The following CSGALNACT1 variants were observed in gnomAD, a reference collection of about 807,000 sequenced individuals.
CSGALNACT1 encodes the protein chondroitin sulfate N-acetylgalactosaminyltransferase 1.
In CSGALNACT1, 52 loss-of-function variants were observed where a neutral mutation model predicts 51.0. The ratio of observed to expected loss-of-function variants is 1.02; its 90% CI spans 0.82 to 1.29. The LOEUF (loss-of-function observed/expected upper bound fraction) is 1.29. CSGALNACT1 is among the 50% of genes most tolerant of loss of function. The probability of loss-of-function intolerance (pLI) is 0.00; values close to 1 mark genes in which losing one functional copy is unlikely to be tolerated. For missense variants in CSGALNACT1, 935 were observed against 679.2 expected (o/e 1.38, Z -4.19); for synonymous variants, 341 against 254.4 (o/e 1.34, Z -3.24).
At chr8:19,642,801 A>AC (rs1318668394) in intron 1 of CSGALNACT1, among the ~76,000 whole-genome samples, 1 of 152,000 alleles carries the variant, frequency 6.6e-6, no homozygotes, top group East Asian at 1.9e-4. Context: ...AAAAAAAAAA[A>AC]AATGGCTGTG....
At chr8:19,639,810 G>A (rs921357040) in intron 1 of CSGALNACT1, among the ~76,000 whole-genome samples, 4 of 151,570 alleles carry the variant, frequency 2.6e-5, no homozygotes, top group Non-Finnish European at 4.4e-5. Context: ...AATTTATAAC[G>A]ATATATCCAT....
At chr8:19,529,010 G>C (rs2082244525) in intron 3 of CSGALNACT1, among the ~76,000 whole-genome samples, 1 of 152,058 alleles carries the variant, frequency 6.6e-6, no homozygotes, top group Non-Finnish European at 1.5e-5. Context: ...CGAGTAGATG[G>C]GGCTGTCATT....
chr8:19,582,307 A>C (rs1422815714), intron 3 of CSGALNACT1, among the ~76,000 whole-genome samples: 1 of 152,220 alleles, frequency 6.6e-6, no homozygotes, highest in Non-Finnish European at 1.5e-5. Context: ...AGGAAAAAAT[A>C]AATCAACACT....
chr8:19,632,834 C>T (rs554657466), intron 1 of CSGALNACT1, among the ~76,000 whole-genome samples: 1 of 152,270 alleles, frequency 6.6e-6, no homozygotes, highest in Middle Eastern at 3.4e-3. Context: ...CAGCTCACTG[C>T]AGCCTCAACC....
intron 7 of CSGALNACT1, among the ~76,000 whole-genome samples, chr8:19,419,690 T>G (rs1203982569): frequency 2.0e-5 from 3 of 152,206 alleles, no homozygotes; most frequent in Non-Finnish European, 2.9e-5. Flanking sequence ...CCACCTCGCT[T>G]TCTCCTGGGA....
chr8:19,619,737 T>A (rs915410943), intron 1 of CSGALNACT1, among the ~76,000 whole-genome samples: 6 of 152,198 alleles, frequency 3.9e-5, no homozygotes, highest in African/African-American at 1.4e-4. Flanking sequence ...AACAAAACAG[T>A]CCTGTCCTCA....
At position 19,620,240 on chromosome 8, in the gene CSGALNACT1, G is replaced by A. The variant is rs563163512; in HGVS notation, c.-543-18375C>T. Among the ~76,000 whole-genome samples, 33 of 144,290 alleles carry A rather than the reference G, an allele frequency of 2.3e-4. No individual in the cohort carries two copies. The South Asian group carries it at 3.1e-3, about 13-fold the overall frequency. 94.7% of individuals were successfully genotyped at this position (144,290 alleles called of 152,430 possible). A position where few individuals can be genotyped will look rare whatever the true frequency, so the allele number is the denominator to read the frequency against. On this transcript the variant is annotated intron_variant, in intron 1 of 9. Coordinates refer to the CSGALNACT1 transcript ENST00000332246. ...TGAGGCAGGAGAATTGCTTGAACCC[G>A]AGAGGCAGAGGTTGCAGTTAGCCAA... is the stretch of plus-strand genomic sequence containing the variant.
chr8:19,439,837 T>G, exon 6 of CSGALNACT1: 2 of 1,610,662 alleles, frequency 1.2e-6, no homozygotes, highest in Non-Finnish European at 1.7e-6. Context: ...CACTTGGAAG[T>G]GTTTTCAAGT....
At chr8:19,537,380 A>G (rs757098873) in intron 3 of CSGALNACT1, among the ~76,000 whole-genome samples, 4 of 152,032 alleles carry the variant, frequency 2.6e-5, no homozygotes, top group African/African-American at 4.8e-5. Flanking sequence ...TGAAAACTCC[A>G]CCCTTCGATT....
At chr8:19,487,774 T>C (rs960441754) in intron 4 of CSGALNACT1, among the ~76,000 whole-genome samples, 1 of 152,146 alleles carries the variant, frequency 6.6e-6, no homozygotes, top group Non-Finnish European at 1.5e-5. Context: ...ATAGGATTTC[T>C]AATTAGAAAA....
At chr8:19,729,753 C>T (rs2063587635) in intron 1 of CSGALNACT1, among the ~76,000 whole-genome samples, 1 of 152,124 alleles carries the variant, frequency 6.6e-6, no homozygotes, top group Admixed American at 6.5e-5. Flanking sequence ...CTCATTTATC[C>T]TCTGCTTTGA....
intron 4 of CSGALNACT1, among the ~76,000 whole-genome samples, chr8:19,494,603 CTT>C (rs2075101509): frequency 6.6e-6 from 1 of 152,224 alleles, no homozygotes; most frequent in South Asian, 2.1e-4. Flanking sequence ...ATATCCAAGT[CTT>C]TAACAATCTC....
At chr8:19,565,950 T>G (rs1184666490) in intron 3 of CSGALNACT1, among the ~76,000 whole-genome samples, 1 of 152,168 alleles carries the variant, frequency 6.6e-6, no homozygotes, top group Non-Finnish European at 1.5e-5. Flanking sequence ...GCTGATCTAG[T>G]CTTTAAATGC....
chr8:19,510,948 G>A (rs142066079), intron 3 of CSGALNACT1, among the ~76,000 whole-genome samples: 1 of 152,210 alleles, frequency 6.6e-6, no homozygotes, highest in South Asian at 2.1e-4. Context: ...CAGTTTGAGT[G>A]TAAGCATTTC....
In CSGALNACT1 at chr8:19,505,363, G is replaced by A. The variant is rs1034099077; in HGVS notation, c.472C>T (p.Gln158Ter). Residue 158 changes from glutamine (Q) to a stop codon, truncating the protein, a stop_gained, in exon 4 of 10, where the codon CAG becomes TAG. Coordinates refer to ENST00000454498, the Ensembl canonical transcript of CSGALNACT1. LOFTEE classifies it high-confidence loss of function. ...TGGCGGGTAAGGCCAGTCTCCAGCT[G>A]GTACACCTTCTGTAGAGTAAAGCTA... The A allele has an allele frequency of 3.7e-6, 6 of 1,614,204 alleles. No individual in the cohort carries two copies. In the South Asian group the frequency reaches 5.5e-5, roughly 15 times the overall value.
At chr8:19,476,984 G>C (rs1296519307) in intron 4 of CSGALNACT1, among the ~76,000 whole-genome samples, 4 of 152,320 alleles carry the variant, frequency 2.6e-5, no homozygotes, top group East Asian at 3.9e-4. Flanking sequence ...TCCTGACCCA[G>C]TTGCAGAATC....
intron 5 of CSGALNACT1, among the ~76,000 whole-genome samples, chr8:19,453,685 G>C (rs187142120): frequency 3.9e-5 from 6 of 152,310 alleles, no homozygotes; most frequent in African/African-American, 1.2e-4. Context: ...GCTGAGGTGG[G>C]CAGATCCCCT....
chr8:19,705,422 T>A (rs1311472416), intron 1 of CSGALNACT1, among the ~76,000 whole-genome samples: 2 of 152,180 alleles, frequency 1.3e-5, no homozygotes, highest in African/African-American at 2.4e-5. Flanking sequence ...AGGAAAAAGC[T>A]CATCATTTGA....
At chr8:19,453,001 A>G (rs148748292) in intron 5 of CSGALNACT1, among the ~76,000 whole-genome samples, 65 of 152,302 alleles carry the variant, frequency 4.3e-4, no homozygotes, top group African/African-American at 1.5e-3. Context: ...GCCAAGGAGA[A>G]TCCACCCAAA....
Sources: allele counts gnomAD v4.1 joint callset (sites outside exome capture counted in the v4.1 genomes callset), GRCh38; gene constraint gnomAD v4.1.1; transcripts MANE v1.5; gene names NCBI Gene and HGNC (gene_info 2026-07-23, HGNC 2026-07-21).